The following PDLIM5 variants were observed in gnomAD, a reference collection of about 807,000 sequenced individuals.
PDLIM5 encodes PDZ and LIM domain 5.
In PDLIM5, 34 loss-of-function variants were observed where a neutral mutation model predicts 64.2. The observed-to-expected ratio is 0.53, with a 90% CI of 0.40 to 0.71. The LOEUF is 0.71. Ranked by LOEUF, PDLIM5 falls within the 30% of genes least tolerant of loss-of-function variation. The pLI is 0.00. For synonymous variants in PDLIM5, 253 were observed against 269.1 expected (o/e 0.94, Z 0.59); for missense variants, 683 against 733.6 (o/e 0.93, Z 0.80).
chr4:94,575,123 C>T (rs1018967935), intron 4 of PDLIM5, among the ~76,000 whole-genome samples: 1 of 150,686 alleles, frequency 6.6e-6, no homozygotes, highest in African/African-American at 2.4e-5. Flanking sequence ...ATGTGCTGCT[C>T]CTTCTGCGTG....
chr4:94,530,326 C>T (rs1430090893), intron 3 of PDLIM5, among the ~76,000 whole-genome samples: 1 of 151,990 alleles, frequency 6.6e-6, no homozygotes. Flanking sequence ...GGAAATTGGA[C>T]TTTCTTCATT....
Position 94,664,287 on chromosome 4 carries a change from G to A in PDLIM5, c.*220G>A. 1.1e-6 allele frequency: 1 copy of A among 908,930 alleles called. No homozygotes were observed. Among genetic ancestry groups the A allele is most frequent in the Non-Finnish European group, 1.4e-6 (1 of 730,006 alleles). The allele number at this position is 908,930 out of a possible 1,614,324, so 56.3% of individuals were successfully genotyped here. ...ATTATTACTTTTTCCTGTATTTTATGCCCATAAAATAAGCTTTATAAAAAC... is the reference window on the plus strand; with the variant it reads ...ATTATTACTTTTTCCTGTATTTTATACCCATAAAATAAGCTTTATAAAAAC... On this transcript the variant is annotated 3_prime_UTR_variant, in exon 13 of 13. Transcript: ENST00000317968.
At chr4:94,518,286 A>G (rs1255435167) in intron 2 of PDLIM5, among the ~76,000 whole-genome samples, 1 of 152,208 alleles carries the variant, frequency 6.6e-6, no homozygotes, top group African/African-American at 2.4e-5. Flanking sequence ...TCAAGAGGTA[A>G]TAGCTAAGGG....
At chr4:94,521,239 G>A (rs1729798951) in intron 2 of PDLIM5, among the ~76,000 whole-genome samples, 1 of 152,114 alleles carries the variant, frequency 6.6e-6, no homozygotes, top group South Asian at 2.1e-4. Flanking sequence ...AGTGCGAGAG[G>A]TAATGGGGCC....
intron 3 of PDLIM5, among the ~76,000 whole-genome samples, chr4:94,545,956 A>G (rs1732277406): frequency 6.6e-6 from 1 of 152,134 alleles, no homozygotes; most frequent in African/African-American, 2.4e-5. Flanking sequence ...GTCTTATTTC[A>G]TGACATTTTG....
In PDLIM5 at chr4:94,665,512, A is replaced by ATT; in HGVS notation, c.*1445_*1446insTT. 8.6e-6 allele frequency: 6 copies of ATT among 695,812 alleles called. No individual in the cohort carries two copies. Among genetic ancestry groups the ATT allele is most frequent in the Non-Finnish European group, 1.1e-5 (6 of 569,422 alleles). 43.1% of individuals were successfully genotyped at this position (695,812 alleles called of 1,614,324 possible). On this transcript the variant is annotated 3_prime_UTR_variant, in exon 13 of 13. Transcript: ENST00000317968. ...AAAAAAAAAAAAAAAAAAAAGAGAG[A>ATT]GAGAGAATAAATAGAAAAGAATGTG... is the stretch of plus-strand genomic sequence containing the variant.
intron 11 of PDLIM5, 48 bp from the exon 12 acceptor site, chr4:94,662,374 A>G (rs1056586454): frequency 2.3e-6 from 2 of 878,934 alleles, no homozygotes; most frequent in Non-Finnish European, 3.8e-6. Context: ...GATCATTCTA[A>G]AACTTCATCA....
intron 4 of PDLIM5, chr4:94,573,686 A>T (rs1448971133): frequency 5.5e-6 from 2 of 365,960 alleles, no homozygotes; most frequent in Non-Finnish European, 1.0e-5. Flanking sequence ...CCAAATCCTT[A>T]TATTTTCTAA....
intron 5 of PDLIM5, among the ~76,000 whole-genome samples, chr4:94,581,082 T>C (rs1443664259): frequency 6.6e-6 from 1 of 152,138 alleles, no homozygotes; most frequent in Middle Eastern, 3.2e-3. Flanking sequence ...TTGATTTCAC[T>C]GTTGAGGAAA....
chr4:94,537,807 G>C (rs1337193309), intron 3 of PDLIM5, among the ~76,000 whole-genome samples: 22 of 152,142 alleles, frequency 1.4e-4, no homozygotes, highest in Admixed American at 1.4e-3. Flanking sequence ...AAATAAGCCA[G>C]AGTTCAATCT....
chr4:94,660,317 T>G (rs1445229615), intron 11 of PDLIM5, among the ~76,000 whole-genome samples: 1 of 152,164 alleles, frequency 6.6e-6, no homozygotes, highest in Non-Finnish European at 1.5e-5. Context: ...AGATCCTTCC[T>G]TCTTTGGGGC....
chr4:94,647,731 A>T (rs145645691), intron 9 of PDLIM5, among the ~76,000 whole-genome samples: 220 of 152,338 alleles, frequency 1.4e-3, no homozygotes, highest in Non-Finnish European at 2.8e-3. Flanking sequence ...GTGTATGTGG[A>T]ACATTCTCCG....
chr4:94,502,883 A>T (rs771412054), intron 2 of PDLIM5, among the ~76,000 whole-genome samples: 30 of 152,106 alleles, frequency 2.0e-4, no homozygotes, highest in Non-Finnish European at 2.9e-4. Flanking sequence ...CCTCATTAAA[A>T]GAAAAAAAAA....
chr4:94,659,484 A>ATGTGTGTGTG (rs1477746279), intron 11 of PDLIM5, among the ~76,000 whole-genome samples: 3 of 133,706 alleles, frequency 2.2e-5, no homozygotes. Flanking sequence ...GCTGTAGTAT[A>ATGTGTGTGTG]TATGTGTGTA....
At chr4:94,553,135 A>C (rs533992991) in intron 3 of PDLIM5, among the ~76,000 whole-genome samples, 2 of 152,078 alleles carry the variant, frequency 1.3e-5, no homozygotes, top group Non-Finnish European at 2.9e-5. Context: ...TATTATTATT[A>C]TTATTTTGAG....
rs543230466 is a variant in PDLIM5, at chr4:94,667,458, A to G, written c.*3391A>G. On this transcript the variant is annotated 3_prime_UTR_variant, in exon 13 of 13. Transcript: ENST00000317968. ...ATAGTATAACAACTATTTACAAAGCATTTACATTGTATTAGCTATTATAGG... is the reference window on the plus strand; with the variant it reads ...ATAGTATAACAACTATTTACAAAGCGTTTACATTGTATTAGCTATTATAGG... 1 of 152,324 alleles carries G rather than the reference A, an allele frequency of 6.6e-6. No individual in the cohort carries two copies. The highest frequency in any genetic ancestry group is 2.4e-5 in the African/African-American group (1 of 41,564). 9.4% of individuals were successfully genotyped at this position (152,324 alleles called of 1,614,324 possible). A position where few individuals can be genotyped will look rare whatever the true frequency, so the allele number is the denominator to read the frequency against.
In PDLIM5 at chr4:94,501,936, G is replaced by C. The variant is rs1026444331; in HGVS notation, c.97-21788G>C. ...CTCTCTGGATGAGCCTACTAATGGG[G>C]TTATGGAGTAAGGTTCAGTAGGAGA... is the stretch of plus-strand genomic sequence containing the variant. On this transcript the variant is annotated intron_variant, in intron 2 of 12. Transcript: ENST00000317968. 3.3e-5 allele frequency among the ~76,000 whole-genome samples: 5 copies of C among 152,204 alleles called. 1 individual carries two copies. The highest frequency in any genetic ancestry group is 3.3e-4 in the Admixed American group (5 of 15,278).
intron 2 of PDLIM5, among the ~76,000 whole-genome samples, chr4:94,504,792 G>A (rs1728245295): frequency 6.6e-6 from 1 of 152,138 alleles, no homozygotes; most frequent in African/African-American, 2.4e-5. Flanking sequence ...ACTTTGCATT[G>A]AAGACTGTTT....
chr4:94,549,167 A>G (rs1732583306), intron 3 of PDLIM5, among the ~76,000 whole-genome samples: 1 of 152,146 alleles, frequency 6.6e-6, no homozygotes, highest in Admixed American at 6.6e-5. Flanking sequence ...GAGTTAATTG[A>G]CCTTCATTTG....
Sources: allele counts gnomAD v4.1 joint callset (sites outside exome capture counted in the v4.1 genomes callset), GRCh38; gene constraint gnomAD v4.1.1; transcripts MANE v1.5; gene names NCBI Gene and HGNC (gene_info 2026-07-23, HGNC 2026-07-21).